The following CEACAM20 variants were observed in gnomAD, a reference collection of about 807,000 sequenced individuals.
CEACAM20 encodes cell adhesion molecule CEACAM20.
CEACAM20 carries 50 observed loss-of-function variants against 61.2 expected under a neutral mutation model. The ratio of observed to expected loss-of-function variants is 0.82; its 90% CI spans 0.65 to 1.03. The LOEUF is 1.03. Among genes scored for constraint, CEACAM20 ranks in the 50% least tolerant of loss-of-function variants. CEACAM20 has a pLI of 0.00. For missense variants in CEACAM20, 683 were observed against 736.4 expected (o/e 0.93, Z 0.84); for synonymous variants, 282 against 287.7 (o/e 0.98, Z 0.20).
At position 44,509,914 on chromosome 19, in the gene CEACAM20, T is replaced by G. The variant is rs190576466; in HGVS notation, c.1737+1116A>C. Reference sequence around the variant, plus strand: ...AATAGGGACATTGCCTAGGAAGGAATGGAGAGGTAGGAAATAGAACGGATG... The same window carrying G: ...AATAGGGACATTGCCTAGGAAGGAAGGGAGAGGTAGGAAATAGAACGGATG... On this transcript the variant is annotated intron_variant, in intron 11 of 11. Coordinates refer to ENST00000614924, the MANE Select transcript of CEACAM20 (RefSeq NM_001102597.3). Among the ~76,000 whole-genome samples, 740 of 151,524 alleles carry G rather than the reference T, an allele frequency of 4.9e-3. 3 individuals carry two copies. Among genetic ancestry groups the G allele is most frequent in the African/African-American group, 0.016 (659 of 41,288 alleles).
chr19:44,514,326 T>G (rs1383686526), intron 6 of CEACAM20, among the ~76,000 whole-genome samples: 2 of 152,170 alleles, frequency 1.3e-5, no homozygotes, highest in Admixed American at 6.5e-5. Flanking sequence ...AAGGGTGGAA[T>G]CGAGCCACTG....
chr19:44,513,873 CA>C (rs1451365778), intron 6 of CEACAM20, among the ~76,000 whole-genome samples: 2 of 152,090 alleles, frequency 1.3e-5, no homozygotes, highest in African/African-American at 4.8e-5. Context: ...AAAATGGGAA[CA>C]ATAGGGTTTA....
At chr19:44,526,174 A>G (rs1437177478) in intron 1 of CEACAM20, among the ~76,000 whole-genome samples, 1 of 152,106 alleles carries the variant, frequency 6.6e-6, no homozygotes, top group African/African-American at 2.4e-5. Context: ...CCCAGGCAAG[A>G]TCTCACTTGC....
chr19:44,508,788 ACGTAGGCC>A (rs1970890368), intron 11 of CEACAM20, among the ~76,000 whole-genome samples: 1 of 152,192 alleles, frequency 6.6e-6, no homozygotes, highest in Non-Finnish European at 1.5e-5. Context: ...GGCAGATATC[ACGTAGGCC>A]CAGTATATAT....
chr19:44,515,071 T>C (rs1731407677), intron 6 of CEACAM20, among the ~76,000 whole-genome samples: 1 of 152,006 alleles, frequency 6.6e-6, no homozygotes. Context: ...CTCCTGACCA[T>C]ATGTGATCCA....
chr19:44,522,069 T>C (rs1412801756), intron 4 of CEACAM20, among the ~76,000 whole-genome samples: 1 of 151,880 alleles, frequency 6.6e-6, no homozygotes, highest in African/African-American at 2.4e-5. Flanking sequence ...TGGGTCCTCC[T>C]CAAACTCTGG....
At position 44,522,644 on chromosome 19, in the gene CEACAM20, G is replaced by C. The variant is rs35542660; in HGVS notation, c.741C>G (p.Val247=). Residue 247 remains valine (V), a synonymous_variant, in exon 4 of 12, where the codon GTC becomes GTG. Transcript: ENST00000614924. ...GGAAAGGAGACTCACCAAGTACTCGGACCTTCAGAGTACCCAGGCTGGACA... is the reference window on the plus strand; with the variant it reads ...GGAAAGGAGACTCACCAAGTACTCGCACCTTCAGAGTACCCAGGCTGGACA... ...THLSSLGTLK[V]RVLETLTMPQ... 3.0e-4 allele frequency: 487 copies of C among 1,613,026 alleles called. 1 individual carries two copies. The African/African-American group carries it at 6.0e-3, about 20-fold the overall frequency.
At chr19:44,518,976 C>T (rs962626722) in intron 5 of CEACAM20, among the ~76,000 whole-genome samples, 1 of 152,170 alleles carries the variant, frequency 6.6e-6, no homozygotes, top group African/African-American at 2.4e-5. Flanking sequence ...CCCACCTTTC[C>T]ACACCTCTTG....
At chr19:44,510,636 G>A (rs80178893) in intron 11 of CEACAM20, among the ~76,000 whole-genome samples, 4 of 148,434 alleles carry the variant, frequency 2.7e-5, no homozygotes, top group African/African-American at 5.0e-5. Context: ...GAAAGAAAGA[G>A]AAGAAAGAAA....
chr19:44,526,816 G>A (rs915280250), intron 1 of CEACAM20, among the ~76,000 whole-genome samples: 1 of 151,800 alleles, frequency 6.6e-6, no homozygotes, highest in Non-Finnish European at 1.5e-5. Flanking sequence ...AGAGGTTGTC[G>A]TGAGCCGAGA....
rs755217171 is a variant in CEACAM20 at position 44,513,255 on chromosome 19, G to A, written c.1344C>T (p.Ile448=). The change falls in exon 7 of 12, where the codon ATC becomes ATT. Residue 448 remains isoleucine, a synonymous_variant. Coordinates refer to ENST00000614924, the MANE Select transcript of CEACAM20 (RefSeq NM_001102597.3). ...CCAGGATCCCGATGACAATACCAGC[G>A]ATGGCCCCTGAGGACAGGGAGGAGG... ...PQSSSLSSGA[I]AGIVIGILAV... The A allele has an allele frequency of 1.2e-6, 2 of 1,613,686 alleles. No individual in the cohort carries two copies. The highest frequency in any genetic ancestry group is 2.2e-5 in the East Asian group (1 of 44,858).
intron 6 of CEACAM20, among the ~76,000 whole-genome samples, chr19:44,513,683 C>T (rs1235377): frequency 0.18 from 27,219 of 151,826 alleles, 2,548 homozygotes; most frequent in Middle Eastern, 0.3. Flanking sequence ...TCAAGTGATC[C>T]GCCCACCTCA....
Position 44,519,598 on chromosome 19 carries a change from T to A in CEACAM20, c.1030+876A>T, listed in dbSNP as rs1395654554. Among the ~76,000 whole-genome samples, 2 of 152,158 alleles carry A rather than the reference T, an allele frequency of 1.3e-5. 1 individual carries two copies. The highest frequency in any genetic ancestry group is 2.9e-5 in the Non-Finnish European group (2 of 68,038). ...GTGGCTCAGGCAATAAACCTTACAG[T>A]CATTCTTGACTCCTTTCTTTCTCTT... On this transcript the variant is annotated intron_variant, in intron 5 of 11. Coordinates refer to ENST00000614924, the MANE Select transcript of CEACAM20 (RefSeq NM_001102597.3).
Position 44,520,502 on chromosome 19 carries a change from C to T in CEACAM20, c.1002G>A (p.Arg334=), listed in dbSNP as rs769025355. The change falls in exon 5 of 12, where the codon CGG becomes CGA. Residue 334 remains arginine (R), a synonymous_variant. Transcript: ENST00000614924. ...TGATGGTCAGCTCAAGGGGCTCACT[C>T]CGGGCCCGGCTGCCCCAGTTCCAGA... is the stretch of plus-strand genomic sequence containing the variant. The part of the protein sequence containing the change: ...CEVWNWGSRA[R]SEPLELTINY... The T allele has an allele frequency of 1.9e-6, 3 of 1,613,348 alleles. No homozygotes were observed. The African/African-American group carries it at 4.0e-5, about 22-fold the overall frequency.
intron 5 of CEACAM20, among the ~76,000 whole-genome samples, chr19:44,518,171 A>G (rs143573570): frequency 7.6e-6 from 1 of 131,170 alleles, no homozygotes; most frequent in South Asian, 2.5e-4. Flanking sequence ...AGGAAGGAAG[A>G]AAGCAGGCAG....
chr19:44,528,089 C>CG (rs1971580548), intron 1 of CEACAM20, among the ~76,000 whole-genome samples: 1 of 152,024 alleles, frequency 6.6e-6, no homozygotes, highest in Non-Finnish European at 1.5e-5. Context: ...TCTTTGTCCT[C>CG]TGTCTCCCTC....
chr19:44,528,956 C>CTTTT (rs71171255), intron 1 of CEACAM20, among the ~76,000 whole-genome samples: 6,068 of 92,322 alleles, frequency 0.066, 372 homozygotes, highest in Non-Finnish European at 0.094. Context: ...CTCTTTCTTT[C>CTTTT]TTTTTTTTTT....
In CEACAM20 at chr19:44,521,785, G is replaced by A. The variant is rs183998325; in HGVS notation, c.751+849C>T. Among the ~76,000 whole-genome samples, 872 of 152,216 alleles carry A rather than the reference G, an allele frequency of 5.7e-3. 9 individuals carry two copies. The highest frequency in any genetic ancestry group is 0.02 in the African/African-American group (828 of 41,512). ...TCTGTGGTATTGCACAGTTGTGTAC[G>A]TATTATATATGAGTTGTGTTTACTG... On this transcript the variant is annotated intron_variant, in intron 4 of 11. Transcript: ENST00000614924.
At chr19:44,519,873 A>G (rs1192665493) in intron 5 of CEACAM20, among the ~76,000 whole-genome samples, 1 of 152,136 alleles carries the variant, frequency 6.6e-6, no homozygotes, top group Non-Finnish European at 1.5e-5. Flanking sequence ...CATCCAGGAA[A>G]CTAAGGCAGG....
Sources: allele counts gnomAD v4.1 joint callset (sites outside exome capture counted in the v4.1 genomes callset), GRCh38; gene constraint gnomAD v4.1.1; transcripts MANE v1.5; gene names NCBI Gene and HGNC (gene_info 2026-07-23, HGNC 2026-07-21).